The following DCN variants were observed in gnomAD, a reference collection of about 807,000 sequenced individuals.
The protein encoded by DCN is bone proteoglycan II.
A neutral mutation model predicts 36.5 loss-of-function variants in DCN; 17 were observed. The observed-to-expected ratio is 0.47, with a 90% CI of 0.32 to 0.70. The LOEUF is 0.70. DCN is among the 30% of genes least tolerant of loss of function. DCN has a pLI of 0.04. For missense variants in DCN, 389 were observed against 430.1 expected, an observed-to-expected ratio of 0.90 and a Z score of 0.84; for synonymous variants, 163 against 161.4, an observed-to-expected ratio of 1.01 and a Z score of -0.07.
intron 2 of DCN, among the ~76,000 whole-genome samples, chr12:91,168,281 C>G (rs752817684): frequency 1.3e-5 from 2 of 152,138 alleles, no homozygotes; most frequent in African/African-American, 4.8e-5. Flanking sequence ...TCATTTATTT[C>G]TATTTCCATT....
chr12:91,163,988 A>G (rs1295034895), intron 3 of DCN, among the ~76,000 whole-genome samples: 2 of 152,206 alleles, frequency 1.3e-5, no homozygotes, highest in East Asian at 3.8e-4. Flanking sequence ...GATCTAAAGT[A>G]TTTTTATGAA....
At chr12:91,164,539 T>C in intron 3 of DCN, 66 bp downstream of exon 3, 1 of 830,786 alleles carries the variant, frequency 1.2e-6, no homozygotes, top group Non-Finnish European at 2.1e-6. Context: ...TGGCCTTATC[T>C]AGGTAGTGTT....
rs1220449496 is a variant in DCN, at chr12:91,141,572, G to A, written c.*4486C>T. On this transcript the variant is annotated 3_prime_UTR_variant, in exon 8 of 8. Coordinates refer to ENST00000052754, the MANE Select transcript of DCN (RefSeq NM_001920.5). Reference sequence around the variant, plus strand: ...AGGGCAAGGCATTATGCACTGCTGTGTCTCTGCCACTAGAACACTGTCAAG... The same window carrying A: ...AGGGCAAGGCATTATGCACTGCTGTATCTCTGCCACTAGAACACTGTCAAG... 1.3e-5 allele frequency: 2 copies of A among 152,072 alleles called. No homozygotes were observed. The highest frequency in any genetic ancestry group is 6.6e-5 in the Admixed American group (1 of 15,250). 9.4% of individuals were successfully genotyped at this position (152,072 alleles called of 1,614,324 possible).
chr12:91,154,559 TAAG>T (rs1388623183), intron 5 of DCN, among the ~76,000 whole-genome samples: 4 of 152,136 alleles, frequency 2.6e-5, no homozygotes, highest in African/African-American at 9.6e-5. Flanking sequence ...AAGTTATAGC[TAAG>T]AAGAAGTTTG....
In DCN at chr12:91,143,714, C is replaced by T. The variant is rs1257729341; in HGVS notation, c.*2344G>A. The T allele has an allele frequency of 6.6e-6, 1 of 151,516 alleles. No homozygotes were observed. Among genetic ancestry groups the T allele is most frequent in the African/African-American group, 2.4e-5 (1 of 41,216 alleles). 9.4% of individuals were successfully genotyped at this position (151,516 alleles called of 1,614,324 possible). Reference sequence around the variant, plus strand: ...GTCACAGAAAGGTTAACTAGCTTCCCTTAGTCATGCAAATAGTAAGTGTCG... The same window carrying T: ...GTCACAGAAAGGTTAACTAGCTTCCTTTAGTCATGCAAATAGTAAGTGTCG... On this transcript the variant is annotated 3_prime_UTR_variant, in exon 8 of 8. Transcript: ENST00000052754.
intron 7 of DCN, chr12:91,151,170 A>G (rs1156458551): frequency 4.8e-6 from 1 of 207,584 alleles, no homozygotes; most frequent in African/African-American, 2.4e-5. Context: ...TATATAACAA[A>G]CCTGCACATT....
Position 91,178,682 on chromosome 12 carries a change from G to A in DCN, c.-33-97C>T, listed in dbSNP as rs565341409. Reference sequence around the variant, plus strand: ...CACAATACAGTGAGCACAGAGAAAAGATGCAAAATAATATTTCATTTGTTA... The same window carrying A: ...CACAATACAGTGAGCACAGAGAAAAAATGCAAAATAATATTTCATTTGTTA... On this transcript the variant is annotated intron_variant, in intron 1 of 7. Transcript: ENST00000052754. 9 of 760,436 alleles carry A rather than the reference G, an allele frequency of 1.2e-5. No individual in the cohort carries two copies. In the East Asian group the frequency reaches 2.1e-4, roughly 18 times the overall value. The allele number at this position is 760,436 out of a possible 1,614,324, so 47.1% of individuals were successfully genotyped here. A position where few individuals can be genotyped will look rare whatever the true frequency, so the allele number is the denominator to read the frequency against.
Position 91,172,612 on chromosome 12 carries a change from T to C in DCN, c.211+5730A>G, listed in dbSNP as rs1383660823. The stretch of plus-strand genomic sequence containing the variant: ...TCTAAGCTTCCTGGTTTTACAGTTG[T>C]CCTTAAAGGGAAGGAGCAAGGATGC... On this transcript the variant is annotated intron_variant, in intron 2 of 7. Coordinates refer to ENST00000052754, the MANE Select transcript of DCN (RefSeq NM_001920.5). The C allele has an allele frequency of 1.4e-5, 7 of 501,248 alleles. No individual in the cohort carries two copies. In the East Asian group the frequency reaches 2.4e-4, roughly 18 times the overall value. The allele number at this position is 501,248 out of a possible 1,614,324, so 31.1% of individuals were successfully genotyped here.
At chr12:91,166,213 G>C (rs1378829292) in intron 2 of DCN, among the ~76,000 whole-genome samples, 4 of 152,154 alleles carry the variant, frequency 2.6e-5, no homozygotes, top group South Asian at 2.1e-4. Flanking sequence ...ATAAGTTTAA[G>C]TATCAAAATA....
At chr12:91,156,316 A>G (rs1219329507) in intron 5 of DCN, among the ~76,000 whole-genome samples, 1 of 152,194 alleles carries the variant, frequency 6.6e-6, no homozygotes, top group Non-Finnish European at 1.5e-5. Flanking sequence ...TACATCGCCT[A>G]CACATACTGA....
At chr12:91,146,551 AC>A (rs912965256) in intron 7 of DCN, among the ~76,000 whole-genome samples, 6 of 151,484 alleles carry the variant, frequency 4.0e-5, no homozygotes, top group Non-Finnish European at 1.5e-5. Context: ...TTGGGTTTTC[AC>A]CATGTTGGCC....
At chr12:91,155,615 GATCTATCT>G (rs3990009) in intron 5 of DCN, among the ~76,000 whole-genome samples, 4,407 of 150,334 alleles carry the variant, frequency 0.029, 227 homozygotes, top group East Asian at 0.25. Context: ...ATTTTAATAA[GATCTATCT>G]ATCTATCTAT....
At chr12:91,175,378 A>T (rs1385542003) in intron 2 of DCN, 1 of 151,930 alleles carries the variant, frequency 6.6e-6, no homozygotes, top group Non-Finnish European at 1.5e-5. Context: ...TACTGTGATA[A>T]ATTAGAATTA....
Position 91,145,669 on chromosome 12 carries a change from G to A in DCN, c.*389C>T, listed in dbSNP as rs1246821883. 6.0e-6 allele frequency: 2 copies of A among 335,744 alleles called. No homozygotes were observed. The highest frequency in any genetic ancestry group is 4.3e-5 in the African/African-American group (2 of 46,158). The allele number at this position is 335,744 out of a possible 1,614,324, so 20.8% of individuals were successfully genotyped here. On this transcript the variant is annotated 3_prime_UTR_variant, in exon 8 of 8. Transcript: ENST00000052754. ...AATACAGAGCTAGTGTTTGGCATTT[G>A]ACTTTATCTCAAATGAGCTAACTGC...
intron 4 of DCN, 77 bp from the exon 5 acceptor site, chr12:91,157,265 A>C: frequency 1.3e-5 from 13 of 1,004,304 alleles, no homozygotes; most frequent in Non-Finnish European, 2.1e-5. Flanking sequence ...TGTTTCAGCA[A>C]GCAACCTATA....
intron 6 of DCN, among the ~76,000 whole-genome samples, 187 bp from the exon 7 acceptor site, chr12:91,151,979 C>A (rs1053540751): frequency 6.6e-6 from 1 of 152,152 alleles, no homozygotes; most frequent in Non-Finnish European, 1.5e-5. Flanking sequence ...AAGGTCTCGG[C>A]TCAAAGTTAC....
At chr12:91,166,934 T>G (rs1459837327) in intron 2 of DCN, among the ~76,000 whole-genome samples, 1 of 152,198 alleles carries the variant, frequency 6.6e-6, no homozygotes, top group Non-Finnish European at 1.5e-5. Flanking sequence ...TAATTTAGTT[T>G]TAGAGTTTAT....
At chr12:91,182,216 C>T (rs1868430741) in intron 1 of DCN, among the ~76,000 whole-genome samples, 1 of 152,008 alleles carries the variant, frequency 6.6e-6, no homozygotes, top group African/African-American at 2.4e-5. Context: ...CACCAGAGTT[C>T]AGTTCTTCTG....
At chr12:91,167,447 T>TCAGACACACACACACAGACAGA (rs1882643375) in intron 2 of DCN, among the ~76,000 whole-genome samples, 1 of 148,570 alleles carries the variant, frequency 6.7e-6, no homozygotes, top group African/African-American at 2.6e-5. Flanking sequence ...GTAAATTATC[T>TCAGACACACACACACAGACAGA]CAGACACACA....
Sources: gnomAD v4.1 joint callset for allele counts (sites outside exome capture counted in the v4.1 genomes callset) on GRCh38, gnomAD v4.1.1 for gene constraint, MANE v1.5 for transcripts, NCBI Gene and HGNC (gene_info 2026-07-23, HGNC 2026-07-21) for gene names.